Variants in ZGPAT observed in about 807,000 individuals in gnomAD.
ZGPAT encodes zinc finger CCCH-type with G patch domain-containing protein.
ZGPAT carries 39 observed loss-of-function variants against 47.9 expected under a neutral mutation model. That is an observed-to-expected ratio of 0.81 (90% CI 0.63 to 1.06). The LOEUF (loss-of-function observed/expected upper bound fraction) is 1.06. Among genes scored for constraint, ZGPAT ranks in the 50% least tolerant of loss-of-function variants. The pLI, the probability that ZGPAT is intolerant of heterozygous loss-of-function variation, is 0.00. For missense variants in ZGPAT, 717 were observed against 681.4 expected, an observed-to-expected ratio of 1.05 and a Z score of -0.58; for synonymous variants, 348 against 292.9, an observed-to-expected ratio of 1.19 and a Z score of -1.92.
intron 2 of ZGPAT, among the ~76,000 whole-genome samples, chr20:63,732,409 C>CGCGCAGGTGTGTGGGTGAGGGCCT (rs767320496): frequency 7.3e-6 from 1 of 137,252 alleles, no homozygotes; most frequent in Non-Finnish European, 1.5e-5. Context: ...CCTGTGTGTG[C>CGCGCAGGTGTGTGGGTGAGGGCCT]GTGTGTGTGG....
rs2145709181 is a variant in ZGPAT at position 63,735,493 on chromosome 20, T to C, written c.1326T>C (p.Thr442=). The C allele has an allele frequency of 1.3e-6, 2 of 1,539,338 alleles. No individual in the cohort carries two copies. The highest frequency in any genetic ancestry group is 1.4e-5 in the African/African-American group (1 of 72,152). ...CCCTGAGCCTGCGGCTCTTCCAGAC[T>C]GAGGAGAAGATCGAGCGAACCCAGC... ...KRALSLRLFQ[T]EEKIERTQRD... The change falls in exon 6 of 7, where the codon ACT becomes ACC. Residue 442 remains threonine, a synonymous_variant. Transcript: ENST00000355969.
intron 2 of ZGPAT, among the ~76,000 whole-genome samples, chr20:63,720,478 G>A (rs2091776384): frequency 6.6e-6 from 1 of 150,876 alleles, no homozygotes; most frequent in African/African-American, 2.4e-5. Flanking sequence ...TTGAGACAAA[G>A]TCTCCCTCTC....
intron 2 of ZGPAT, among the ~76,000 whole-genome samples, chr20:63,730,844 G>A (rs988658482): frequency 1.3e-5 from 2 of 152,012 alleles, no homozygotes; most frequent in African/African-American, 2.4e-5. Context: ...GGCAGCAGTG[G>A]ATGGCGGTTG....
At chr20:63,722,899 G>A (rs1343056331) in intron 2 of ZGPAT, among the ~76,000 whole-genome samples, 5 of 152,166 alleles carry the variant, frequency 3.3e-5, no homozygotes, top group Non-Finnish European at 4.4e-5. Context: ...CCAAAGTGCT[G>A]GGATTACAGG....
intron 2 of ZGPAT, among the ~76,000 whole-genome samples, chr20:63,724,806 T>A (rs1379325087): frequency 1.3e-5 from 2 of 151,644 alleles, no homozygotes; most frequent in Admixed American, 6.6e-5. Context: ...CCCAAGTAGC[T>A]GAGACTGCAG....
At chr20:63,711,629 A>G (rs557203631) in intron 2 of ZGPAT, among the ~76,000 whole-genome samples, 16 of 147,350 alleles carry the variant, frequency 1.1e-4, no homozygotes, top group Middle Eastern at 3.5e-3. Flanking sequence ...ATGGAGTTTC[A>G]CTGTTGTTGC....
At chr20:63,716,456 C>G (rs2091729678) in intron 2 of ZGPAT, among the ~76,000 whole-genome samples, 1 of 151,874 alleles carries the variant, frequency 6.6e-6, no homozygotes, top group Non-Finnish European at 1.5e-5. Context: ...TCTGTAAGAT[C>G]AGTAGTAATA....
intron 2 of ZGPAT, 55 bp downstream of exon 2, chr20:63,709,219 A>G (rs1023171799): frequency 1.5e-4 from 246 of 1,588,620 alleles, no homozygotes; most frequent in Non-Finnish European, 2.1e-4. Context: ...GCACGCACAC[A>G]GGGTCGGGTC....
chr20:63,715,678 C>G (rs757781194), intron 2 of ZGPAT, among the ~76,000 whole-genome samples: 4 of 152,094 alleles, frequency 2.6e-5, no homozygotes, highest in Non-Finnish European at 5.9e-5. Context: ...CTTGGCATGT[C>G]TTTGTATAGC....
intron 5 of ZGPAT, 34 bp from the exon 6 acceptor site, chr20:63,735,125 C>T (rs1003950709): frequency 1.7e-5 from 25 of 1,485,724 alleles, no homozygotes; most frequent in Non-Finnish European, 2.1e-5. Flanking sequence ...CGGGGTCCCG[C>T]AGCCACAGCA....
chr20:63,711,335 C>G (rs909716400), intron 2 of ZGPAT, among the ~76,000 whole-genome samples: 1 of 152,182 alleles, frequency 6.6e-6, no homozygotes, highest in African/African-American at 2.4e-5. Flanking sequence ...CATATACTTT[C>G]ATTCATCTGT....
chr20:63,735,674 G>T lies in ZGPAT; in HGVS notation c.1398-107G>T, dbSNP rs981008570. The stretch of plus-strand genomic sequence containing the variant: ...GCATAGCGGGCTGAGTCCAGGAGGG[G>T]TCTGCATGTTGGAGGACGGGCAGCG... On this transcript the variant is annotated intron_variant, in intron 6 of 6. Coordinates refer to ENST00000355969, the MANE Select transcript of ZGPAT (RefSeq NM_181485.3). The T allele has an allele frequency of 4.6e-6, 7 of 1,523,658 alleles. No individual in the cohort carries two copies. In the South Asian group the frequency reaches 6.2e-5, roughly 13 times the overall value. 94.4% of individuals were successfully genotyped at this position (1,523,658 alleles called of 1,614,324 possible).
At chr20:63,726,294 G>A (rs1027803654) in intron 2 of ZGPAT, among the ~76,000 whole-genome samples, 2 of 150,090 alleles carry the variant, frequency 1.3e-5, no homozygotes, top group Non-Finnish European at 3.0e-5. Flanking sequence ...CACCTCTCAG[G>A]TTCAAGTGAT....
intron 2 of ZGPAT, among the ~76,000 whole-genome samples, chr20:63,712,311 A>G (rs990672819): frequency 6.6e-5 from 10 of 152,192 alleles, no homozygotes; most frequent in African/African-American, 1.9e-4. Flanking sequence ...TCAATTGGCA[A>G]TATATGTAAG....
intron 2 of ZGPAT, among the ~76,000 whole-genome samples, chr20:63,719,096 T>A (rs975002850): frequency 6.6e-6 from 1 of 151,928 alleles, no homozygotes; most frequent in Non-Finnish European, 1.5e-5. Flanking sequence ...TCTCACTGCC[T>A]TCTGGTCCAA....
In ZGPAT at chr20:63,734,690, G is replaced by T. The variant is rs2091960084; in HGVS notation, c.872-15G>T. On this transcript the variant is annotated splice_polypyrimidine_tract_variant and intron_variant, in intron 4 of 6. Coordinates refer to ENST00000355969, the MANE Select transcript of ZGPAT (RefSeq NM_181485.3). ...GACTCTGCACAGTCCTCTGCCCTCT[G>T]TCCGTCTCTTGCAGTGGTGGGGTCA... is the stretch of plus-strand genomic sequence containing the variant. The T allele has an allele frequency of 1.9e-6, 3 of 1,613,298 alleles. No homozygotes were observed. In the East Asian group the frequency reaches 6.7e-5, roughly 36 times the overall value.
chr20:63,730,018 G>GCACA (rs112508718), intron 2 of ZGPAT: 29,855 of 146,822 alleles, frequency 0.2, 3,497 homozygotes, highest in East Asian at 0.29. Context: ...AGACTCTACT[G>GCACA]CGCACACACA....
intron 2 of ZGPAT, among the ~76,000 whole-genome samples, chr20:63,730,740 C>T (rs1219840453): frequency 6.6e-6 from 1 of 152,158 alleles, no homozygotes; most frequent in African/African-American, 2.4e-5. Context: ...TCTCGGCCTC[C>T]CAAAGTGCTG....
chr20:63,712,769 A>G (rs1036782300), intron 2 of ZGPAT, among the ~76,000 whole-genome samples: 1 of 152,052 alleles, frequency 6.6e-6, no homozygotes, highest in Non-Finnish European at 1.5e-5. Context: ...GGTGGTGCAC[A>G]CCTGTAATCC....
Sources: gnomAD v4.1 joint callset for allele counts (sites outside exome capture counted in the v4.1 genomes callset) on GRCh38, gnomAD v4.1.1 for gene constraint, MANE v1.5 for transcripts, NCBI Gene and HGNC (gene_info 2026-07-23, HGNC 2026-07-21) for gene names.